CELF2: variants seen among roughly 807,000 people sequenced by gnomAD.
CELF2 encodes CUG triplet repeat RNA-binding protein 2.
A neutral mutation model predicts 62.6 loss-of-function variants in CELF2; 8 were observed. The observed-to-expected ratio is 0.13, with a 90% confidence interval of 0.07 to 0.23. The LOEUF (loss-of-function observed/expected upper bound fraction) is 0.23, where lower values mean the gene tolerates loss of function less well. CELF2 is among the 10% of genes least tolerant of loss of function. The pLI is 1.00. For missense variants in CELF2, 333 were observed against 671.0 expected (o/e 0.50, Z 5.56); for synonymous variants, 258 against 250.0 (o/e 1.03, Z -0.30).
At chr10:10,507,858 T>C in the CELF2 span, among the ~76,000 whole-genome samples, 2 of 152,180 alleles carry the variant, frequency 1.3e-5, no homozygotes, top group Non-Finnish European at 1.5e-5. Context: ...GATGTGATCT[T>C]TAATATTGAA....
chr10:10,667,039 C>G, the CELF2 span, among the ~76,000 whole-genome samples: 5 of 152,076 alleles, frequency 3.3e-5, no homozygotes, highest in African/African-American at 1.2e-4. Flanking sequence ...AGTTGGGAAT[C>G]ATGATGGAGA....
At chr10:10,612,350 T>C in the CELF2 span, among the ~76,000 whole-genome samples, 1 of 152,128 alleles carries the variant, frequency 6.6e-6, no homozygotes, top group African/African-American at 2.4e-5. Context: ...AGTATAAAAA[T>C]GGAAAAACCA....
At chr10:11,258,135 T>G (rs2079373026) in intron 5 of CELF2, among the ~76,000 whole-genome samples, 2 of 152,222 alleles carry the variant, frequency 1.3e-5, no homozygotes, top group African/African-American at 4.8e-5. Context: ...CTGCTAGGCA[T>G]CCTTTTCAAT....
chr10:10,738,695 C>T, the CELF2 span, among the ~76,000 whole-genome samples: 1 of 152,134 alleles, frequency 6.6e-6, no homozygotes, highest in Non-Finnish European at 1.5e-5. Flanking sequence ...TACAAAATAC[C>T]TGACTAGTTC....
At chr10:10,739,616 T>C in the CELF2 span, among the ~76,000 whole-genome samples, 1 of 152,162 alleles carries the variant, frequency 6.6e-6, no homozygotes, top group Non-Finnish European at 1.5e-5. Flanking sequence ...ACAGAACATA[T>C]TCATATTTCA....
chr10:10,909,731 C>T (rs772852631), intron 1 of CELF2, among the ~76,000 whole-genome samples: 18 of 152,342 alleles, frequency 1.2e-4, no homozygotes, highest in Middle Eastern at 6.8e-3. Flanking sequence ...CCTTCCTGCC[C>T]TCCCCAAAAG....
chr10:10,712,147 CAAAAAAAAAAAAAAAAA>C, the CELF2 span, among the ~76,000 whole-genome samples: 43 of 43,422 alleles, frequency 9.9e-4, no homozygotes, highest in Non-Finnish European at 1.7e-3. Flanking sequence ...AGGATAGAGA[CAAAAAAAAAAAAAAAAA>C]AAAAAAAAAC....
At chr10:10,653,336 G>A in the CELF2 span, among the ~76,000 whole-genome samples, 1 of 149,158 alleles carries the variant, frequency 6.7e-6, no homozygotes, top group Admixed American at 6.7e-5. Flanking sequence ...AGGATACCCA[G>A]GAATTGAACT....
chr10:10,525,241 G>C, the CELF2 span, among the ~76,000 whole-genome samples: 1 of 152,102 alleles, frequency 6.6e-6, no homozygotes, highest in African/African-American at 2.4e-5. Flanking sequence ...CATTCTTCCT[G>C]CCTTACTGAA....
the CELF2 span, among the ~76,000 whole-genome samples, chr10:10,642,244 T>A: frequency 6.6e-6 from 1 of 152,236 alleles, no homozygotes; most frequent in Non-Finnish European, 1.5e-5. Context: ...TTTACACATT[T>A]ATTGCCTGCC....
In CELF2 at chr10:11,237,753, C is replaced by G. The variant is rs910212525; in HGVS notation, c.355-11400C>G. Among the ~76,000 whole-genome samples, 3 of 114,814 alleles carry G rather than the reference C, an allele frequency of 2.6e-5. No individual in the cohort carries two copies. The highest frequency in any genetic ancestry group is 1.0e-4 in the African/African-American group (3 of 28,992). The allele number at this position is 114,814 out of a possible 152,430, so 75.3% of individuals were successfully genotyped here. On this transcript the variant is annotated intron_variant, in intron 3 of 12. Coordinates refer to ENST00000633077, the MANE Select transcript of CELF2 (RefSeq NM_001326342.2). This position sits in a 1 kb window ranked among gnomAD's most constrained non-coding sequence, Gnocchi z 4.0. ...CAACAGCTGGCACTGGGGAGGGCAC[C>G]GAAGGCTGAGGGAGCACTGAGGCCC... is the stretch of plus-strand genomic sequence containing the variant.
At chr10:10,557,600 A>T in the CELF2 span, among the ~76,000 whole-genome samples, 1 of 151,950 alleles carries the variant, frequency 6.6e-6, no homozygotes, top group Non-Finnish European at 1.5e-5. Context: ...TGGGGATGGC[A>T]TTGAATCTGT....
At chr10:10,465,063 T>G in the CELF2 span, among the ~76,000 whole-genome samples, 1 of 152,142 alleles carries the variant, frequency 6.6e-6, no homozygotes, top group Non-Finnish European at 1.5e-5. Flanking sequence ...GAAAATACCT[T>G]CTGACGAGAA....
intron 1 of CELF2, among the ~76,000 whole-genome samples, chr10:11,124,270 T>C (rs1035890303): frequency 2.0e-5 from 3 of 152,192 alleles, no homozygotes; most frequent in Non-Finnish European, 4.4e-5. Flanking sequence ...TAGAGATGTG[T>C]GTATACATAC....
At position 11,235,121 on chromosome 10, in the gene CELF2, A is replaced by G. The variant is rs1361189752; in HGVS notation, c.355-14032A>G. Reference sequence around the variant, plus strand: ...CTTCTGTGATGTTCTTTCCACTAACAAAAAACAAACATAAAGACAAAAACA... The same window carrying G: ...CTTCTGTGATGTTCTTTCCACTAACGAAAAACAAACATAAAGACAAAAACA... On this transcript the variant is annotated intron_variant, in intron 3 of 12. Coordinates refer to ENST00000633077, the MANE Select transcript of CELF2 (RefSeq NM_001326342.2). Among the ~76,000 whole-genome samples the G allele has an allele frequency of 4.0e-5, 5 of 124,074 alleles. No homozygotes were observed. In the Admixed American group the frequency reaches 4.7e-4, roughly 12 times the overall value. The allele number at this position is 124,074 out of a possible 152,430, so 81.4% of individuals were successfully genotyped here. A position where few individuals can be genotyped will look rare whatever the true frequency, so the allele number is the denominator to read the frequency against.
chr10:11,071,457 A>C (rs2069964298), intron 1 of CELF2: 1 of 152,264 alleles, frequency 6.6e-6, no homozygotes, highest in South Asian at 2.1e-4. Flanking sequence ...ATTCAAACCC[A>C]GGTGACTGAG....
chr10:11,151,825 C>G (rs763266838), intron 1 of CELF2, among the ~76,000 whole-genome samples: 1 of 152,162 alleles, frequency 6.6e-6, no homozygotes, highest in Non-Finnish European at 1.5e-5. Context: ...ACAAGGGTGT[C>G]TGGTTTAAAC....
the CELF2 span, chr10:10,784,672 G>T: frequency 6.6e-6 from 1 of 152,312 alleles, no homozygotes; most frequent in African/African-American, 2.4e-5. Context: ...GTCTCTCCCT[G>T]TGGAGCCAGC....
chr10:11,113,861 A>G (rs1316154828), intron 1 of CELF2, among the ~76,000 whole-genome samples: 1 of 152,166 alleles, frequency 6.6e-6, no homozygotes, highest in Non-Finnish European at 1.5e-5. Flanking sequence ...GAGGACCATC[A>G]CATCTTGATT....
Sources: gnomAD v4.1 joint callset for allele counts (sites outside exome capture counted in the v4.1 genomes callset) on GRCh38, gnomAD v4.1.1 for gene constraint, Gnocchi (gnomAD v3.1) non-coding constraint, MANE v1.5 for transcripts, NCBI Gene and HGNC (gene_info 2026-07-23, HGNC 2026-07-21) for gene names.